The following SGCD variants were observed in gnomAD, a reference collection of about 807,000 sequenced individuals.
SGCD encodes the protein delta-sarcoglycan.
A neutral mutation model predicts 36.6 loss-of-function variants in SGCD; 18 were observed. The ratio of observed to expected loss-of-function variants is 0.49; its 90% CI spans 0.34 to 0.73. SGCD has a LOEUF of 0.73. Ranked by LOEUF, SGCD falls within the 30% of genes least tolerant of loss-of-function variation. The pLI is 0.01. For synonymous variants in SGCD, 133 were observed against 130.6 expected, an observed-to-expected ratio of 1.02 and a Z score of -0.12; for missense variants, 387 against 346.7, an observed-to-expected ratio of 1.12 and a Z score of -0.92.
chr5:156,647,629 C>T lies in SGCD; in HGVS notation c.575+93C>T, dbSNP rs554934712. On this transcript the variant is annotated intron_variant, in intron 7 of 8. Coordinates refer to ENST00000337851, the MANE Select transcript of SGCD (RefSeq NM_000337.6). ...TTCATTCTGAATAAATAATAAGTGT[C>T]ACAGCGTGAATACATAAATTGAAAG... is the stretch of plus-strand genomic sequence containing the variant. 5 of 799,982 alleles carry T rather than the reference C, an allele frequency of 6.3e-6. No homozygotes were observed. The South Asian group carries it at 7.5e-5, about 12-fold the overall frequency. The allele number at this position is 799,982 out of a possible 1,614,324, so 49.6% of individuals were successfully genotyped here.
intron 2 of SGCD, 94 bp downstream of exon 2, chr5:156,329,673 T>C (rs1767974084): frequency 1.8e-6 from 2 of 1,108,126 alleles, no homozygotes; most frequent in East Asian, 2.4e-5. Flanking sequence ...CAAAGTGTTA[T>C]ATATGCCTTA....
chr5:156,496,733 C>T (rs1437892949), intron 3 of SGCD, among the ~76,000 whole-genome samples: 1 of 152,140 alleles, frequency 6.6e-6, no homozygotes, highest in Non-Finnish European at 1.5e-5. Flanking sequence ...TTGCTTTTCA[C>T]TAGCCAAACC....
chr5:155,884,865 GA>G lies in SGCD; in HGVS notation c.-282+14442del, dbSNP rs1403293284. Among the ~76,000 whole-genome samples the G allele has an allele frequency of 3.5e-5, 2 of 57,932 alleles. 1 individual carries two copies. The highest frequency in any genetic ancestry group is 3.0e-4 in the African/African-American group (2 of 6,626). The allele number at this position is 57,932 out of a possible 152,430, so 38.0% of individuals were successfully genotyped here. On this transcript the variant is annotated intron_variant, in intron 1 of 9. Coordinates refer to the SGCD transcript ENST00000517913. ...GCATGTAACAAACAACGCAGTACCTGACAAATAATACATGATCAATAAGTAG... is the reference window on the plus strand; with the variant it reads ...GCATGTAACAAACAACGCAGTACCTGCAAATAATACATGATCAATAAGTAG...
intron 3 of SGCD, among the ~76,000 whole-genome samples, chr5:156,457,908 A>G (rs992954477): frequency 6.6e-6 from 1 of 152,072 alleles, no homozygotes; most frequent in Non-Finnish European, 1.5e-5. Flanking sequence ...GCCTTTCTAT[A>G]ACCTAGCTGA....
At position 156,422,683 on chromosome 5, in the gene SGCD, A is replaced by G. The variant is rs559002512; in HGVS notation, c.192+78006A>G. On this transcript the variant is annotated intron_variant, in intron 3 of 8. Transcript: ENST00000337851. ...AACAGCACTTTTGACATTTTGGGCT[A>G]GGTAACTCTGTTGTGGTACATATCC... 3.9e-5 allele frequency among the ~76,000 whole-genome samples: 6 copies of G among 152,178 alleles called. No homozygotes were observed. The East Asian group carries it at 1.2e-3, about 29-fold the overall frequency.
At chr5:155,882,887 C>T (rs1390614830) in intron 1 of SGCD, among the ~76,000 whole-genome samples, 1 of 152,318 alleles carries the variant, frequency 6.6e-6, no homozygotes, top group African/African-American at 2.4e-5. Flanking sequence ...GACTTTTGCT[C>T]TCTAGCTATC....
intron 1 of SGCD, among the ~76,000 whole-genome samples, chr5:156,094,312 C>T (rs73813233): frequency 0.012 from 1,863 of 152,252 alleles, 56 homozygotes; most frequent in African/African-American, 0.043. Context: ...AGATTCAGGG[C>T]ATTTTAAAAG....
intron 1 of SGCD, among the ~76,000 whole-genome samples, chr5:155,880,930 A>C (rs1394289845): frequency 1.3e-5 from 2 of 152,098 alleles, no homozygotes; most frequent in Non-Finnish European, 2.9e-5. Flanking sequence ...GAGCAGAAAA[A>C]TGCTTCTTTT....
intron 7 of SGCD, among the ~76,000 whole-genome samples, chr5:156,675,125 T>A (rs1753457242): frequency 6.6e-6 from 1 of 152,204 alleles, no homozygotes. Flanking sequence ...CCTGCCTTTG[T>A]CACCTCCCAG....
intron 1 of SGCD, among the ~76,000 whole-genome samples, chr5:156,076,744 C>G (rs1346044588): frequency 1.3e-5 from 2 of 152,140 alleles, no homozygotes; most frequent in Non-Finnish European, 2.9e-5. Context: ...GCACCCTAGA[C>G]TTGAACATTA....
chr5:156,206,988 C>A (rs1009050009), intron 3 of SGCD, among the ~76,000 whole-genome samples: 2 of 151,870 alleles, frequency 1.3e-5, no homozygotes, highest in East Asian at 3.9e-4. Flanking sequence ...TTTATTATAT[C>A]AAAAAGATAT....
At chr5:155,777,884 C>T in the SGCD span, among the ~76,000 whole-genome samples, 79 of 152,220 alleles carry the variant, frequency 5.2e-4, no homozygotes, top group Middle Eastern at 6.8e-3. Context: ...TTGCTGAATT[C>T]ACAACACTGA....
intron 1 of SGCD, among the ~76,000 whole-genome samples, chr5:155,991,613 T>G (rs954957347): frequency 6.6e-6 from 1 of 152,020 alleles, no homozygotes; most frequent in South Asian, 2.1e-4. Flanking sequence ...AGAAAGAAAC[T>G]CTTTTGAATA....
Position 156,632,331 on chromosome 5 carries a change from T to G in SGCD, c.503-15133T>G, listed in dbSNP as rs1456158552. 6.0e-5 allele frequency among the ~76,000 whole-genome samples: 9 copies of G among 149,464 alleles called. No homozygotes were observed. In the South Asian group the frequency reaches 1.9e-3, roughly 31 times the overall value. Reference sequence around the variant, plus strand: ...CAAGTGAGCACCAGCCCCAGTAGGTTTCTGCAAAGCAATAAGTGTTCTAGT... The same window carrying G: ...CAAGTGAGCACCAGCCCCAGTAGGTGTCTGCAAAGCAATAAGTGTTCTAGT... On this transcript the variant is annotated intron_variant, in intron 6 of 8. Transcript: ENST00000337851.
the SGCD span, among the ~76,000 whole-genome samples, chr5:155,775,003 A>G: frequency 0.051 from 7,696 of 152,228 alleles, 618 homozygotes; most frequent in African/African-American, 0.17. Flanking sequence ...TTGCATCTAA[A>G]TGCTTTTGAA....
intron 3 of SGCD, among the ~76,000 whole-genome samples, chr5:156,220,007 C>A (rs1764678796): frequency 1.3e-5 from 2 of 152,254 alleles, no homozygotes; most frequent in Admixed American, 1.3e-4. Flanking sequence ...GCTATTTTAA[C>A]CCCTTTGTAG....
the SGCD span, among the ~76,000 whole-genome samples, chr5:155,759,012 T>A: frequency 0.066 from 10,080 of 152,068 alleles, 836 homozygotes; most frequent in African/African-American, 0.19. Context: ...TTTTTTATTT[T>A]TATTTTTTTT....
intron 3 of SGCD, among the ~76,000 whole-genome samples, chr5:156,320,983 C>T (rs1423937065): frequency 3.9e-5 from 6 of 152,302 alleles, no homozygotes; most frequent in African/African-American, 1.2e-4. Flanking sequence ...AGGCTGGCAT[C>T]GTGCTACTGC....
intron 7 of SGCD, among the ~76,000 whole-genome samples, chr5:156,699,845 G>A (rs1217656803): frequency 6.6e-6 from 1 of 152,126 alleles, no homozygotes; most frequent in African/African-American, 2.4e-5. Flanking sequence ...TACTTTGATG[G>A]GTGCAGGGGA....
Sources: gnomAD v4.1 joint callset for allele counts (sites outside exome capture counted in the v4.1 genomes callset) on GRCh38, gnomAD v4.1.1 for gene constraint, MANE v1.5 for transcripts, NCBI Gene and HGNC (gene_info 2026-07-23, HGNC 2026-07-21) for gene names.